Variants in XKR4 observed in about 807,000 individuals in gnomAD.
XKR4 encodes XK related 4.
XKR4 carries 12 observed loss-of-function variants against 53.9 expected under a neutral mutation model. That is an observed-to-expected ratio of 0.22 (90% confidence interval 0.14 to 0.36). XKR4 has a LOEUF of 0.36. Among genes scored for constraint, XKR4 ranks in the 10% least tolerant of loss-of-function variants. The probability of loss-of-function intolerance (pLI) is 1.00; values close to 1 mark genes in which losing one functional copy is unlikely to be tolerated. For missense variants in XKR4, 799 were observed against 859.5 expected, an observed-to-expected ratio of 0.93 and a Z score of 0.88; for synonymous variants, 354 against 362.4, an observed-to-expected ratio of 0.98 and a Z score of 0.26.
At position 55,428,312 on chromosome 8, in the gene XKR4, T is replaced by C. The variant is rs150038770; in HGVS notation, c.1006+70435T>C. On this transcript the variant is annotated intron_variant, in intron 2 of 2. Transcript: ENST00000327381. ...CTTTTTGCCTCATATGTTTCAGATT[T>C]GGGGATGACGTCTGGCAACCTGGTA... is the stretch of plus-strand genomic sequence containing the variant. Among the ~76,000 whole-genome samples, 281 of 152,294 alleles carry C rather than the reference T, an allele frequency of 1.8e-3. 1 individual carries two copies. The highest frequency in any genetic ancestry group is 6.5e-3 in the African/African-American group (269 of 41,558).
At chr8:55,452,909 G>A in intron 2 of XKR4, 1 of 799,326 alleles carries the variant, frequency 1.3e-6, no homozygotes, top group Non-Finnish European at 2.2e-6. Context: ...TATAGTGGAT[G>A]GCCTGGCTGA....
chr8:55,133,221 AT>A (rs1339234864), intron 1 of XKR4, among the ~76,000 whole-genome samples: 1 of 152,250 alleles, frequency 6.6e-6, no homozygotes, highest in Non-Finnish European at 1.5e-5. Flanking sequence ...TACACAAGAA[AT>A]TTTTAAGAGT....
intron 1 of XKR4, among the ~76,000 whole-genome samples, chr8:55,234,303 G>T (rs1818089879): frequency 6.6e-6 from 1 of 152,116 alleles, no homozygotes; most frequent in Middle Eastern, 3.4e-3. Context: ...TCAGATTTTT[G>T]CAAAAATACA....
chr8:55,443,209 G>T (rs1446513345), intron 2 of XKR4, among the ~76,000 whole-genome samples: 2 of 151,878 alleles, frequency 1.3e-5, no homozygotes, highest in Admixed American at 6.6e-5. Flanking sequence ...TATGAACATG[G>T]ACACAGAAAT....
At chr8:55,365,864 C>T (rs1047751631) in intron 2 of XKR4, among the ~76,000 whole-genome samples, 3 of 152,152 alleles carry the variant, frequency 2.0e-5, no homozygotes, top group Admixed American at 6.5e-5. Flanking sequence ...AGGAAGAGGG[C>T]TCAGACCTCT....
chr8:55,463,122 G>C (rs1805690166), intron 2 of XKR4, among the ~76,000 whole-genome samples: 1 of 152,112 alleles, frequency 6.6e-6, no homozygotes, highest in Non-Finnish European at 1.5e-5. Context: ...ACACCAAGCA[G>C]ACCTAATAGA....
At chr8:55,463,568 A>C (rs1471124688) in intron 2 of XKR4, among the ~76,000 whole-genome samples, 1 of 152,116 alleles carries the variant, frequency 6.6e-6, no homozygotes, top group Non-Finnish European at 1.5e-5. Flanking sequence ...TAAAAGAACT[A>C]GAGAAGCAAG....
chr8:55,505,968 T>A (rs1252073660), intron 2 of XKR4, among the ~76,000 whole-genome samples: 1 of 152,250 alleles, frequency 6.6e-6, no homozygotes, highest in Non-Finnish European at 1.5e-5. Context: ...TTAAAGCAAC[T>A]TTTTCAAGAG....
chr8:55,472,408 A>T (rs1805902108), intron 2 of XKR4, among the ~76,000 whole-genome samples: 1 of 152,132 alleles, frequency 6.6e-6, no homozygotes, highest in Admixed American at 6.5e-5. Context: ...TTCTATTTTT[A>T]AAAATAAGTG....
intron 1 of XKR4, among the ~76,000 whole-genome samples, chr8:55,273,834 G>A (rs937758663): frequency 2.6e-5 from 4 of 152,162 alleles, no homozygotes; most frequent in Non-Finnish European, 4.4e-5. Context: ...AGCCAGCTCT[G>A]CTTAAATTAC....
intron 1 of XKR4, among the ~76,000 whole-genome samples, chr8:55,199,009 C>T (rs1457173620): frequency 3.9e-5 from 6 of 152,232 alleles, no homozygotes; most frequent in South Asian, 2.1e-4. Context: ...ATTCAGCTCA[C>T]GTATAAGGAA....
chr8:55,127,688 C>T (rs984045803), intron 1 of XKR4, among the ~76,000 whole-genome samples: 4 of 98,090 alleles, frequency 4.1e-5, no homozygotes, highest in Admixed American at 1.2e-4. Context: ...CCCATGAACT[C>T]GTCATTTAGC....
At chr8:55,205,975 G>C (rs72486669) in intron 1 of XKR4, among the ~76,000 whole-genome samples, 4 of 152,168 alleles carry the variant, frequency 2.6e-5, no homozygotes, top group Non-Finnish European at 4.4e-5. Flanking sequence ...CAGGAGTCAA[G>C]CCACAGACCT....
At position 55,137,813 on chromosome 8, in the gene XKR4, C is replaced by T. The variant is rs1816652243; in HGVS notation, c.806+34519C>T. On this transcript the variant is annotated intron_variant, in intron 1 of 2. Coordinates refer to ENST00000327381, the MANE Select transcript of XKR4 (RefSeq NM_052898.2). ...TCTCAAACTCCTGATCTCAAGTGAT[C>T]CTCCCACCTTGGCCTTCCAAAGTGC... Among the ~76,000 whole-genome samples the T allele has an allele frequency of 2.6e-5, 4 of 152,056 alleles. No homozygotes were observed. The South Asian group carries it at 8.3e-4, about 32-fold the overall frequency.
In XKR4 at chr8:55,123,367, A is replaced by G. The variant is rs1415132708; in HGVS notation, c.806+20073A>G. On this transcript the variant is annotated intron_variant, in intron 1 of 2. Coordinates refer to ENST00000327381, the MANE Select transcript of XKR4 (RefSeq NM_052898.2). The stretch of plus-strand genomic sequence containing the variant: ...CTCATCCACAGAAATGAAAAGGCAT[A>G]TGATGCCCAGGACGTTCCCATGAAG... Among the ~76,000 whole-genome samples the G allele has an allele frequency of 3.9e-5, 6 of 152,218 alleles. No homozygotes were observed. In the South Asian group the frequency reaches 6.2e-4, roughly 16 times the overall value.
chr8:55,295,097 T>C (rs1761638426), intron 1 of XKR4, among the ~76,000 whole-genome samples: 1 of 152,240 alleles, frequency 6.6e-6, no homozygotes, highest in Admixed American at 6.5e-5. Flanking sequence ...ATTCACATAT[T>C]AATACTGCTA....
Position 55,378,931 on chromosome 8 carries a change from G to A in XKR4, c.1006+21054G>A, listed in dbSNP as rs570034221. ...AATACAATATTGCCAAATGAATCAT[G>A]TTGGGGAAATACTGTCTTTTCTTCA... is the stretch of plus-strand genomic sequence containing the variant. On this transcript the variant is annotated intron_variant, in intron 2 of 2. Transcript: ENST00000327381. Among the ~76,000 whole-genome samples, 219 of 152,320 alleles carry A rather than the reference G, an allele frequency of 1.4e-3. 1 individual carries two copies. The highest frequency in any genetic ancestry group is 3.9e-3 in the South Asian group (19 of 4,824).
At position 55,524,237 on chromosome 8, in the gene XKR4, A is replaced by T. The variant is rs767060432; in HGVS notation, c.*10A>T. 1.2e-5 allele frequency: 19 copies of T among 1,604,810 alleles called. No homozygotes were observed. Among genetic ancestry groups the T allele is most frequent in the Non-Finnish European group, 1.6e-5 (19 of 1,174,690 alleles). ...CGAAACCACTTTATAAAGCAAAAGG[A>T]GTTGCAGGACCCACAACATCCAGAT... is the stretch of plus-strand genomic sequence containing the variant. On this transcript the variant is annotated 3_prime_UTR_variant, in exon 3 of 3. Transcript: ENST00000327381.
intron 2 of XKR4, among the ~76,000 whole-genome samples, chr8:55,444,741 G>A (rs921922556): frequency 1.3e-5 from 2 of 152,168 alleles, no homozygotes; most frequent in Non-Finnish European, 2.9e-5. Context: ...GTTACTTTAT[G>A]TATTTTATGT....
Sources: allele counts gnomAD v4.1 joint callset (sites outside exome capture counted in the v4.1 genomes callset), GRCh38; gene constraint gnomAD v4.1.1; transcripts MANE v1.5; gene names NCBI Gene and HGNC (gene_info 2026-07-23, HGNC 2026-07-21).